Variants in NOX3 observed in about 807,000 individuals in gnomAD.
NOX3 encodes the protein NADPH oxidase 3, also known as NADPH oxidase catalytic subunit-like 3.
In NOX3, 74 loss-of-function variants were observed where a neutral mutation model predicts 76.7. The observed-to-expected ratio is 0.96, with a 90% CI of 0.80 to 1.17. The LOEUF (loss-of-function observed/expected upper bound fraction) is 1.17. NOX3 is among the 50% of genes most tolerant of loss of function. The pLI, the probability that NOX3 is intolerant of heterozygous loss-of-function variation, is 0.00. For synonymous variants in NOX3, 263 were observed against 261.1 expected, an observed-to-expected ratio of 1.01 and a Z score of -0.07; for missense variants, 695 against 703.3, an observed-to-expected ratio of 0.99 and a Z score of 0.13.
chr6:155,445,901 TATATATATGCTATAGATATATA>T (rs1562472035), intron 4 of NOX3, among the ~76,000 whole-genome samples: 2 of 128,488 alleles, frequency 1.6e-5, no homozygotes, highest in African/African-American at 3.1e-5. Context: ...ATATATATAT[TATATATATGCTATAGATATATA>T]ATATATATGC....
chr6:155,428,901 C>T lies in NOX3; in HGVS notation c.1038G>A (p.Glu346=), dbSNP rs231954. 0.59 allele frequency: 945,708 copies of T among 1,613,178 alleles called. 283,111 individuals carry two copies. The highest frequency in any genetic ancestry group is 0.9 in the East Asian group (40,436 of 44,806). ...CCCGGATGTGCACGCTGAAAAAGTC[C>T]TCCTGGGGGGCAGAGGTAAGGGTGA... is the stretch of plus-strand genomic sequence containing the variant. The part of the protein sequence containing the change: ...HPFTLTSAPQ[E]DFFSVHIRAA... The change falls in exon 9 of 14, where the codon GAG becomes GAA. Residue 346 remains glutamate (E), a synonymous_variant. Transcript: ENST00000159060.
At chr6:155,402,542 A>G (rs1465511373) in intron 12 of NOX3, among the ~76,000 whole-genome samples, 1 of 151,908 alleles carries the variant, frequency 6.6e-6, no homozygotes, top group Non-Finnish European at 1.5e-5. Context: ...CCTTATTTGT[A>G]TTCATTTTGA....
At chr6:155,430,812 C>G in intron 8 of NOX3, 31 bp downstream of exon 8, 1 of 1,487,582 alleles carries the variant, frequency 6.7e-7, no homozygotes, top group Non-Finnish European at 9.3e-7. Context: ...TACACTCAGG[C>G]TTTTATTCAG....
chr6:155,400,466 C>G (rs1165215581), intron 12 of NOX3, among the ~76,000 whole-genome samples: 2 of 152,148 alleles, frequency 1.3e-5, no homozygotes, highest in African/African-American at 4.8e-5. Flanking sequence ...TTTATGGAGG[C>G]TTAGAAAGAA....
At chr6:155,408,471 G>A (rs1160959915) in intron 11 of NOX3, among the ~76,000 whole-genome samples, 1 of 152,044 alleles carries the variant, frequency 6.6e-6, no homozygotes, top group Non-Finnish European at 1.5e-5. Flanking sequence ...ACCTTGCTGG[G>A]TGCAACTCAT....
chr6:155,422,130 G>T (rs187425807), intron 10 of NOX3, among the ~76,000 whole-genome samples: 1 of 152,256 alleles, frequency 6.6e-6, no homozygotes, highest in African/African-American at 2.4e-5. Flanking sequence ...GGTCCTAAGA[G>T]GGTCCAAGTA....
intron 4 of NOX3, among the ~76,000 whole-genome samples, chr6:155,446,727 A>G (rs1010539421): frequency 3.3e-5 from 5 of 152,176 alleles, no homozygotes; most frequent in African/African-American, 7.2e-5. Flanking sequence ...CTAGAGTCCA[A>G]CCGTTTCTAA....
At chr6:155,431,004 C>T in intron 7 of NOX3, 69 bp from the exon 8 acceptor site, 3 of 1,020,582 alleles carry the variant, frequency 2.9e-6, no homozygotes, top group Non-Finnish European at 4.5e-6. Context: ...TCAATTTGAA[C>T]CAAATCAATA....
chr6:155,433,026 T>A (rs1166573482), intron 7 of NOX3, among the ~76,000 whole-genome samples: 3 of 152,184 alleles, frequency 2.0e-5, no homozygotes, highest in Non-Finnish European at 4.4e-5. Flanking sequence ...AGACACTCAG[T>A]CTTCATATAT....
intron 9 of NOX3, among the ~76,000 whole-genome samples, chr6:155,423,685 G>A (rs527393618): frequency 2.0e-5 from 3 of 151,392 alleles, no homozygotes; most frequent in South Asian, 2.1e-4. Flanking sequence ...CTTTGCATGC[G>A]ATACCATTTT....
At chr6:155,419,858 C>T (rs1582933922) in intron 10 of NOX3, among the ~76,000 whole-genome samples, 1 of 151,954 alleles carries the variant, frequency 6.6e-6, no homozygotes, top group Non-Finnish European at 1.5e-5. Flanking sequence ...TAGTAAAAAT[C>T]ATTGAAGAAT....
chr6:155,409,420 CG>C, intron 11 of NOX3, among the ~76,000 whole-genome samples: 1 of 152,098 alleles, frequency 6.6e-6, no homozygotes, highest in East Asian at 1.9e-4. Flanking sequence ...CTGAGAAGTT[CG>C]GGCACCATTT....
At chr6:155,450,481 A>G (rs1008642605) in intron 4 of NOX3, among the ~76,000 whole-genome samples, 1 of 151,978 alleles carries the variant, frequency 6.6e-6, no homozygotes, top group East Asian at 1.9e-4. Flanking sequence ...GTTTTCACCA[A>G]ATTTCTTGAG....
At chr6:155,396,710 AG>A in intron 13 of NOX3, 98 bp downstream of exon 13, 1 of 876,142 alleles carries the variant, frequency 1.1e-6, no homozygotes, top group Non-Finnish European at 1.7e-6. Flanking sequence ...AGTAGTTGAG[AG>A]TCGGACCATA....
chr6:155,397,646 C>T lies in NOX3; in HGVS notation c.1581-684G>A, dbSNP rs141157714. 1.1e-4 allele frequency among the ~76,000 whole-genome samples: 17 copies of T among 152,198 alleles called. No individual in the cohort carries two copies. The East Asian group carries it at 2.7e-3, about 24-fold the overall frequency. On this transcript the variant is annotated intron_variant, in intron 12 of 13. Coordinates refer to ENST00000159060, the MANE Select transcript of NOX3 (RefSeq NM_015718.3). ...CATGTGGAAAAGATGATAAGGACTA[C>T]GTTGTATGTTTTATCAAAAGCAAGA... is the stretch of plus-strand genomic sequence containing the variant.
intron 8 of NOX3, among the ~76,000 whole-genome samples, chr6:155,429,825 TC>T (rs982434376): frequency 2.0e-5 from 3 of 152,214 alleles, no homozygotes; most frequent in African/African-American, 7.2e-5. Flanking sequence ...ATTTTTCCGT[TC>T]AAAAGAGAAT....
chr6:155,445,438 T>A (rs1471462536), intron 4 of NOX3, among the ~76,000 whole-genome samples: 1 of 152,154 alleles, frequency 6.6e-6, no homozygotes, highest in South Asian at 2.1e-4. Context: ...GTCATTTTGG[T>A]CCCTGTGGTC....
chr6:155,450,212 G>A (rs1777116304), intron 4 of NOX3, among the ~76,000 whole-genome samples: 2 of 152,166 alleles, frequency 1.3e-5, no homozygotes, highest in Admixed American at 6.5e-5. Context: ...GAGGAAGGGG[G>A]CCGGAGAGAA....
intron 12 of NOX3, among the ~76,000 whole-genome samples, chr6:155,406,671 G>T (rs1776465196): frequency 6.6e-6 from 1 of 152,170 alleles, no homozygotes; most frequent in Non-Finnish European, 1.5e-5. Flanking sequence ...CCTGTCCAAG[G>T]TCAACCAATG....
Sources: gnomAD v4.1 joint callset for allele counts (sites outside exome capture counted in the v4.1 genomes callset) on GRCh38, gnomAD v4.1.1 for gene constraint, MANE v1.5 for transcripts, NCBI Gene and HGNC (gene_info 2026-07-23, HGNC 2026-07-21) for gene names.